TBC1D5: variants seen among roughly 807,000 people sequenced by gnomAD.
TBC1D5 encodes TBC1 domain family member 5.
A neutral mutation model predicts 100.3 loss-of-function variants in TBC1D5; 75 were observed. The ratio of observed to expected loss-of-function variants is 0.75; its 90% confidence interval spans 0.62 to 0.91. The LOEUF (loss-of-function observed/expected upper bound fraction) is 0.91, where lower values mean the gene tolerates loss of function less well. Among genes scored for constraint, TBC1D5 ranks in the 40% least tolerant of loss-of-function variants. The pLI, the probability that TBC1D5 is intolerant of heterozygous loss-of-function variation, is 0.00. For synonymous variants in TBC1D5, 323 were observed against 325.6 expected, an observed-to-expected ratio of 0.99 and a Z score of 0.09; for missense variants, 910 against 942.4, an observed-to-expected ratio of 0.97 and a Z score of 0.45.
chr3:17,666,254 C>T (rs1028542625), intron 1 of TBC1D5, among the ~76,000 whole-genome samples: 2 of 152,136 alleles, frequency 1.3e-5, no homozygotes, highest in South Asian at 2.1e-4. Context: ...CATAAAAATA[C>T]GTATTGAGCA....
intron 1 of TBC1D5, among the ~76,000 whole-genome samples, chr3:17,666,077 A>C (rs2067227749): frequency 1.3e-5 from 2 of 152,192 alleles, no homozygotes; most frequent in South Asian, 4.1e-4. Flanking sequence ...TTTTAAAAGT[A>C]TTATGTCTTC....
intron 1 of TBC1D5, among the ~76,000 whole-genome samples, chr3:17,665,489 C>T (rs1238130954): frequency 6.6e-6 from 1 of 152,198 alleles, no homozygotes; most frequent in Non-Finnish European, 1.5e-5. Context: ...TATCAACCAA[C>T]AGTAGACTGA....
chr3:17,197,337 C>T (rs1178113966), intron 18 of TBC1D5, among the ~76,000 whole-genome samples: 3 of 151,870 alleles, frequency 2.0e-5, no homozygotes, highest in Non-Finnish European at 4.4e-5. Context: ...TGTTGTACCT[C>T]GATCCAATTT....
In TBC1D5 at chr3:17,245,007, G is replaced by C. The variant is rs1375967090; in HGVS notation, c.1332-6588C>G. Among the ~76,000 whole-genome samples the C allele has an allele frequency of 3.1e-5, 4 of 129,530 alleles. No homozygotes were observed. In the Admixed American group the frequency reaches 3.6e-4, roughly 12 times the overall value. 85.0% of individuals were successfully genotyped at this position (129,530 alleles called of 152,430 possible). ...TCAAGACCAGCCTGGGCGATATAGT[G>C]AGACCCTGTCTCTACAAAAAAAAAA... On this transcript the variant is annotated intron_variant, in intron 16 of 21. Transcript: ENST00000253692.
At chr3:17,729,979 C>T (rs1382988512) in intron 1 of TBC1D5, among the ~76,000 whole-genome samples, 1 of 149,968 alleles carries the variant, frequency 6.7e-6, no homozygotes, top group Non-Finnish European at 1.5e-5. Flanking sequence ...GGCGTGGTGG[C>T]AGGCACCTGT....
chr3:17,192,241 T>A (rs1283399085), intron 18 of TBC1D5, among the ~76,000 whole-genome samples: 7 of 151,592 alleles, frequency 4.6e-5, no homozygotes, highest in African/African-American at 1.7e-4. Flanking sequence ...AAGTGAAAGG[T>A]GATTGCCAAG....
chr3:17,575,045 C>T (rs1175761858), intron 2 of TBC1D5, among the ~76,000 whole-genome samples: 1 of 152,032 alleles, frequency 6.6e-6, no homozygotes, highest in Non-Finnish European at 1.5e-5. Context: ...TTCCAATGTC[C>T]CAGGTGCAAT....
At chr3:17,592,300 C>G (rs2060279189) in intron 2 of TBC1D5, among the ~76,000 whole-genome samples, 1 of 152,190 alleles carries the variant, frequency 6.6e-6, no homozygotes, top group Admixed American at 6.5e-5. Context: ...ATTATGCTCA[C>G]TGGATCCAGC....
At chr3:17,318,157 C>T (rs896817597) in intron 13 of TBC1D5, among the ~76,000 whole-genome samples, 1 of 141,758 alleles carries the variant, frequency 7.1e-6, no homozygotes, top group African/African-American at 2.7e-5. Context: ...TATTCTCACT[C>T]ATAGATGGGA....
chr3:17,290,303 A>G (rs1162423173), intron 15 of TBC1D5, among the ~76,000 whole-genome samples: 1 of 152,248 alleles, frequency 6.6e-6, no homozygotes, highest in African/African-American at 2.4e-5. Context: ...TTAAAATCAT[A>G]CTAACATGAA....
intron 17 of TBC1D5, among the ~76,000 whole-genome samples, chr3:17,220,088 T>C (rs764203483): frequency 1.3e-5 from 2 of 152,202 alleles, no homozygotes; most frequent in African/African-American, 4.8e-5. Flanking sequence ...AATGTTTAGC[T>C]GTTCCAAACA....
chr3:17,577,931 T>C (rs943017216), intron 2 of TBC1D5, among the ~76,000 whole-genome samples: 5 of 152,010 alleles, frequency 3.3e-5, no homozygotes, highest in Non-Finnish European at 4.4e-5. Context: ...CCGTCACTTA[T>C]GTTTCTGATT....
intron 16 of TBC1D5, among the ~76,000 whole-genome samples, chr3:17,245,967 T>C (rs868631187): frequency 2.6e-5 from 4 of 152,132 alleles, no homozygotes; most frequent in Admixed American, 6.5e-5. Flanking sequence ...GAAGAGAGTA[T>C]AATCCTGAAA....
intron 18 of TBC1D5, among the ~76,000 whole-genome samples, chr3:17,200,051 A>G (rs1251584905): frequency 8.0e-6 from 1 of 124,694 alleles, no homozygotes; most frequent in Non-Finnish European, 1.9e-5. Context: ...CCCTTTTCAC[A>G]ATTGTTTTTC....
At chr3:17,461,727 T>G (rs1367289905) in intron 3 of TBC1D5, among the ~76,000 whole-genome samples, 4 of 152,136 alleles carry the variant, frequency 2.6e-5, no homozygotes, top group Non-Finnish European at 1.5e-5. Flanking sequence ...AAGAATCAAA[T>G]GTCCTTGTGA....
intron 3 of TBC1D5, among the ~76,000 whole-genome samples, chr3:17,451,003 C>T (rs986518601): frequency 6.6e-6 from 1 of 151,968 alleles, no homozygotes. Context: ...AGATTGCTCA[C>T]AAAGCCCATC....
At chr3:17,446,707 C>T (rs898081317) in intron 3 of TBC1D5, among the ~76,000 whole-genome samples, 5 of 152,190 alleles carry the variant, frequency 3.3e-5, no homozygotes, top group African/African-American at 9.6e-5. Context: ...CGCGGTGGCT[C>T]GCGCCTGTAA....
chr3:17,469,123 C>T (rs946932329), intron 3 of TBC1D5, among the ~76,000 whole-genome samples: 2 of 151,876 alleles, frequency 1.3e-5, no homozygotes, highest in African/African-American at 4.8e-5. Flanking sequence ...TTCCTGAATA[C>T]TGATTTAGAA....
At chr3:17,716,088 C>T (rs550907196) in intron 1 of TBC1D5, among the ~76,000 whole-genome samples, 3 of 152,186 alleles carry the variant, frequency 2.0e-5, no homozygotes, top group African/African-American at 7.2e-5. Context: ...AAAAGTTGGG[C>T]ATGGGCTGAG....
Sources: allele counts gnomAD v4.1 joint callset (sites outside exome capture counted in the v4.1 genomes callset), GRCh38; gene constraint gnomAD v4.1.1; transcripts MANE v1.5; gene names NCBI Gene and HGNC (gene_info 2026-07-23, HGNC 2026-07-21).